Variants in AP2A2 observed in about 807,000 individuals in gnomAD.
The protein encoded by AP2A2 is adaptor related protein complex 2 subunit alpha 2, also known as AP-2 complex subunit alpha-2.
A neutral mutation model predicts 104.2 loss-of-function variants in AP2A2; 32 were observed. The ratio of observed to expected loss-of-function variants is 0.31; its 90% CI spans 0.23 to 0.41. AP2A2 has a LOEUF of 0.41. AP2A2 is among the 10% of genes least tolerant of loss of function. The probability of loss-of-function intolerance (pLI) is 1.00; values close to 1 mark genes in which losing one functional copy is unlikely to be tolerated. For missense variants in AP2A2, 912 were observed against 1,261.0 expected (o/e 0.72, Z 4.19); for synonymous variants, 539 against 533.3 (o/e 1.01, Z -0.15).
At chr11:984,536 A>T in intron 6 of AP2A2, 109 bp from the exon 7 acceptor site, 1 of 960,104 alleles carries the variant, frequency 1.0e-6, no homozygotes, top group South Asian at 1.4e-5. Flanking sequence ...AAACAAAACC[A>T]TTTTTCCAGC....
At chr11:944,404 C>CTATG (rs1853762353) in intron 1 of AP2A2, among the ~76,000 whole-genome samples, 1 of 152,138 alleles carries the variant, frequency 6.6e-6, no homozygotes, top group Non-Finnish European at 1.5e-5. Context: ...GATTCTGGGA[C>CTATG]TATGGCAGGG....
chr11:1,009,949 C>T (rs1856364414), intron 21 of AP2A2, 132 bp downstream of exon 21: 1 of 1,190,988 alleles, frequency 8.4e-7, no homozygotes, highest in African/African-American at 1.5e-5. Context: ...ACCACCCTGT[C>T]AATACATGGT....
chr11:974,586 G>A (rs1394019623), intron 4 of AP2A2, among the ~76,000 whole-genome samples: 3 of 151,166 alleles, frequency 2.0e-5, no homozygotes, highest in Admixed American at 6.6e-5. Context: ...AAGGCTTGAG[G>A]CAGGAGAATC....
chr11:994,186 G>T lies in AP2A2; in HGVS notation c.1897G>T (p.Asp633Tyr), dbSNP rs1268677603. The T allele has an allele frequency of 6.2e-7, 1 of 1,612,910 alleles. No individual in the cohort carries two copies. The highest frequency in any genetic ancestry group is 1.3e-5 in the African/African-American group (1 of 74,926). The change falls in exon 14 of 22, where the codon GAC becomes TAC. Residue 633 changes from aspartate (D) to tyrosine (Y), a missense_variant. By Grantham distance (160) the Asp-to-Tyr change is radical (BLOSUM62 -3). Around this residue, in one of 7 missense-constraint regions of AP2A2, gnomAD observed 105 missense variants for 90.9 expected, o/e 1.16. Coordinates refer to ENST00000448903, the MANE Select transcript of AP2A2 (RefSeq NM_012305.4). The stretch of plus-strand genomic sequence containing the variant: ...GACAGACCTGGAGGACACCAAGCGG[G>T]ACAGGAGTGTGGACGTGAACGGGGG... ...TVTDLEDTKR[D>Y]RSVDVNGGPE...
Position 935,603 on chromosome 11 carries a change from G to GTTTTTTTTTTTTTTTTTTTTTT in AP2A2, c.67+9516_67+9537dup, listed in dbSNP as rs757190222. On this transcript the variant is annotated intron_variant, in intron 1 of 21. Transcript: ENST00000448903. The stretch of plus-strand genomic sequence containing the variant: ...AAGTGTGAGCCACTGTGCCCGGCCA[G>GTTTTTTTTTTTTTTTTTTTTTT]TTTTTTTTTTTTTTTTTTTTTTGAG... 1.1e-3 allele frequency among the ~76,000 whole-genome samples: 84 copies of GTTTTTTTTTTTTTTTTTTTTTT among 77,950 alleles called. 6 individuals are homozygous for GTTTTTTTTTTTTTTTTTTTTTT. Among genetic ancestry groups the GTTTTTTTTTTTTTTTTTTTTTT allele is most frequent in the East Asian group, 1.8e-3 (3 of 1,662 alleles). 51.1% of individuals were successfully genotyped at this position (77,950 alleles called of 152,430 possible). A position where few individuals can be genotyped will look rare whatever the true frequency, so the allele number is the denominator to read the frequency against.
chr11:1,009,898 T>C, intron 21 of AP2A2, 81 bp downstream of exon 21: 3 of 1,459,058 alleles, frequency 2.1e-6, no homozygotes, highest in South Asian at 1.3e-5. Context: ...TGTGTAGCTC[T>C]TTAGTGCAGT....
intron 10 of AP2A2, among the ~76,000 whole-genome samples, chr11:989,878 A>G (rs1855588895): frequency 6.6e-6 from 1 of 152,208 alleles, no homozygotes; most frequent in African/African-American, 2.4e-5. Flanking sequence ...TGAGGCTGAG[A>G]CAGCGCCTCC....
At position 993,220 on chromosome 11, in the gene AP2A2, G is replaced by A. The variant is rs776685399; in HGVS notation, c.1453-64G>A. Reference sequence around the variant, plus strand: ...GGTGTAGGGTGCACCGCGCCAGGACGTGCCCGCCTCGCCTTAACTCTGGCA... The same window carrying A: ...GGTGTAGGGTGCACCGCGCCAGGACATGCCCGCCTCGCCTTAACTCTGGCA... On this transcript the variant is annotated intron_variant, in intron 11 of 21. Transcript: ENST00000448903. The surrounding 1 kb of genome is among the most constrained non-coding windows in gnomAD (Gnocchi z 8.2). The A allele has an allele frequency of 1.6e-5, 22 of 1,367,754 alleles. No individual in the cohort carries two copies. Among genetic ancestry groups the A allele is most frequent in the Admixed American group, 2.3e-5 (1 of 42,976 alleles). The allele number at this position is 1,367,754 out of a possible 1,614,324, so 84.7% of individuals were successfully genotyped here. A position where few individuals can be genotyped will look rare whatever the true frequency, so the allele number is the denominator to read the frequency against.
intron 1 of AP2A2, chr11:932,911 TGTA>T: frequency 2.8e-6 from 1 of 358,366 alleles, no homozygotes; most frequent in Admixed American, 3.7e-5. Context: ...GTCAAGATTT[TGTA>T]GTAGAAGAGT....
intron 1 of AP2A2, chr11:932,618 G>A (rs1012912504): frequency 4.5e-6 from 2 of 448,182 alleles, no homozygotes; most frequent in Non-Finnish European, 8.9e-6. Flanking sequence ...TGCATAATGT[G>A]TGTTCCTTAG....
chr11:1,009,235 G>T lies in AP2A2; in HGVS notation c.2537+19G>T, dbSNP rs1297123141. On this transcript the variant is annotated intron_variant, in intron 19 of 21. Transcript: ENST00000448903. Reference sequence around the variant, plus strand: ...TGAGCAAGTGAGAAACCTGTTTCCTGTAGGGGTCAGGGGTGGGGACGGGGC... The same window carrying T: ...TGAGCAAGTGAGAAACCTGTTTCCTTTAGGGGTCAGGGGTGGGGACGGGGC... The T allele has an allele frequency of 6.2e-7, 1 of 1,611,198 alleles. No homozygotes were observed. Among genetic ancestry groups the T allele is most frequent in the African/African-American group, 1.3e-5 (1 of 74,890 alleles).
intron 1 of AP2A2, among the ~76,000 whole-genome samples, chr11:941,612 G>A (rs181582525): frequency 1.5e-4 from 23 of 151,136 alleles, no homozygotes; most frequent in Middle Eastern, 6.8e-3. Flanking sequence ...TTTTGAGATG[G>A]AGTCTCACTC....
Position 993,832 on chromosome 11 carries a change from C to T in AP2A2, c.1629C>T (p.Thr543=). 1 of 1,609,160 alleles carries T rather than the reference C, an allele frequency of 6.2e-7. No homozygotes were observed. Among genetic ancestry groups the T allele is most frequent in the Non-Finnish European group, 8.5e-7 (1 of 1,179,694 alleles). Residue 543 remains threonine (T), a synonymous_variant, in exon 13 of 22, where the codon ACC becomes ACT. Coordinates refer to ENST00000448903, the MANE Select transcript of AP2A2 (RefSeq NM_012305.4). This position sits in a 1 kb window ranked among gnomAD's most constrained non-coding sequence, Gnocchi z 8.2. The part of the protein sequence containing the change: ...SVPTRALLLS[T]YIKFVNLFPE... ...CCACCCGCGCGCTGCTCCTGTCCAC[C>T]TACATCAAGTTCGTGAACCTCTTCC...
At chr11:945,143 G>A (rs1853788904) in intron 1 of AP2A2, among the ~76,000 whole-genome samples, 1 of 152,066 alleles carries the variant, frequency 6.6e-6, no homozygotes, top group Admixed American at 6.6e-5. Context: ...CGTGTGCCAC[G>A]CTGCAGAGAG....
intron 2 of AP2A2, among the ~76,000 whole-genome samples, chr11:961,277 T>C (rs1186131570): frequency 7.2e-6 from 1 of 138,842 alleles, no homozygotes; most frequent in African/African-American, 2.8e-5. Context: ...ATGATGTGGG[T>C]CTGACAGTCG....
At chr11:969,528 G>A (rs940464112) in intron 2 of AP2A2, among the ~76,000 whole-genome samples, 11 of 152,110 alleles carry the variant, frequency 7.2e-5, no homozygotes, top group Non-Finnish European at 1.2e-4. Context: ...GCCGGGCCCA[G>A]AATGGCCCTT....
Position 1,009,346 on chromosome 11 carries a change from G to A in AP2A2, c.2556G>A (p.Gln852=). 6.2e-7 allele frequency: 1 copy of A among 1,613,736 alleles called. No individual in the cohort carries two copies. The highest frequency in any genetic ancestry group is 8.5e-7 in the Non-Finnish European group (1 of 1,179,824). ...KQLSNPQQEV[Q]NIFKAKHPMD... ...CTCACAGTCCACAGCAGGAAGTGCA[G>A]AACATCTTCAAAGCAAAGCACCCAA... The change falls in exon 20 of 22, where the codon CAG becomes CAA. Residue 852 remains glutamine (Q), a synonymous_variant. Transcript: ENST00000448903.
At chr11:960,577 C>T (rs1854398457) in intron 2 of AP2A2, among the ~76,000 whole-genome samples, 1 of 152,080 alleles carries the variant, frequency 6.6e-6, no homozygotes, top group African/African-American at 2.4e-5. Context: ...GGGGTTTCTC[C>T]ATGTTGGTCA....
At chr11:1,002,899 C>T (rs889101143) in intron 15 of AP2A2, among the ~76,000 whole-genome samples, 13 of 152,180 alleles carry the variant, frequency 8.5e-5, no homozygotes, top group Admixed American at 5.9e-4. Context: ...AGGGAGGGGG[C>T]GGTGCCATGA....
Sources: allele counts gnomAD v4.1 joint callset (sites outside exome capture counted in the v4.1 genomes callset), GRCh38; gene constraint gnomAD v4.1.1; regional missense constraint gnomAD v4.1.1; non-coding constraint Gnocchi (gnomAD v3.1); transcripts MANE v1.5; gene names NCBI Gene and HGNC (gene_info 2026-07-23, HGNC 2026-07-21).